DDX60L: variants seen among roughly 807,000 people sequenced by gnomAD.
The protein encoded by DDX60L is DExD/H-box 60 like, also known as probable ATP-dependent RNA helicase DDX60-like.
DDX60L carries 191 observed loss-of-function variants against 211.6 expected under a neutral mutation model. That is an observed-to-expected ratio of 0.90 (90% CI 0.80 to 1.02). The LOEUF is 1.02. Among genes scored for constraint, DDX60L ranks in the 50% least tolerant of loss-of-function variants. DDX60L has a pLI of 0.00. For missense variants in DDX60L, 2,007 were observed against 1,984.1 expected (o/e 1.01, Z -0.22); for synonymous variants, 706 against 694.1 (o/e 1.02, Z -0.27).
intron 10 of DDX60L, among the ~76,000 whole-genome samples, chr4:168,438,368 C>T (rs74193598): frequency 7.6e-4 from 115 of 152,304 alleles, no homozygotes; most frequent in African/African-American, 2.3e-3. Flanking sequence ...TGTAACCCAA[C>T]CACCTCAGGG....
intron 10 of DDX60L, among the ~76,000 whole-genome samples, chr4:168,436,358 G>A (rs752571314): frequency 5.3e-5 from 8 of 152,116 alleles, no homozygotes; most frequent in South Asian, 2.1e-4. Context: ...TACAGAACCC[G>A]TATCCACAAT....
intron 16 of DDX60L, 139 bp downstream of exon 16, chr4:168,422,385 G>A (rs1750773555): frequency 1.3e-6 from 1 of 789,610 alleles, no homozygotes; most frequent in Non-Finnish European, 1.9e-6. Flanking sequence ...TCATACTCTA[G>A]TTACATTCTC....
intron 26 of DDX60L, among the ~76,000 whole-genome samples, chr4:168,396,780 A>G (rs1242243894): frequency 6.6e-6 from 1 of 151,622 alleles, no homozygotes; most frequent in East Asian, 2.0e-4. Context: ...CCCTACGTCC[A>G]AAAAATATAC....
At chr4:168,366,123 C>T (rs1385945198) in intron 36 of DDX60L, among the ~76,000 whole-genome samples, 2 of 151,980 alleles carry the variant, frequency 1.3e-5, no homozygotes, top group African/African-American at 2.4e-5. Flanking sequence ...CAACATAGTA[C>T]TAGTAGTCCT....
chr4:168,417,753 C>T (rs1017682546), intron 19 of DDX60L, among the ~76,000 whole-genome samples: 2 of 152,294 alleles, frequency 1.3e-5, no homozygotes, highest in South Asian at 2.1e-4. Flanking sequence ...TGAATCAATC[C>T]TCTTTGGTTC....
intron 4 of DDX60L, among the ~76,000 whole-genome samples, chr4:168,467,593 A>G (rs1758177627): frequency 6.6e-6 from 1 of 152,178 alleles, no homozygotes; most frequent in African/African-American, 2.4e-5. Context: ...ATCCCTTGAC[A>G]TATACAATTA....
chr4:168,377,711 A>G (rs1428754955), intron 33 of DDX60L: 1 of 152,196 alleles, frequency 6.6e-6, no homozygotes, highest in Non-Finnish European at 1.5e-5. Flanking sequence ...CAGAAAGCCT[A>G]GATTAATGCT....
In DDX60L at chr4:168,472,203, T is replaced by C. The variant is rs375686405; in HGVS notation, c.74+252A>G. ...GAGCCAGGATTTGAACTTGAGAATA[T>C]GATTCTAAAGGCTGTTATTCTGGAT... On this transcript the variant is annotated intron_variant, in intron 3 of 37. Transcript: ENST00000682922. 3.3e-4 allele frequency among the ~76,000 whole-genome samples: 51 copies of C among 152,332 alleles called. No homozygotes were observed. In the South Asian group the frequency reaches 0.01, roughly 30 times the overall value.
At chr4:168,373,212 T>G (rs978242208) in intron 35 of DDX60L, among the ~76,000 whole-genome samples, 5 of 152,174 alleles carry the variant, frequency 3.3e-5, no homozygotes, top group Admixed American at 6.5e-5. Context: ...TTTCTCATAT[T>G]TCAAATTAAA....
intron 13 of DDX60L, among the ~76,000 whole-genome samples, chr4:168,428,820 C>T (rs1751877181): frequency 6.6e-6 from 1 of 152,138 alleles, no homozygotes; most frequent in South Asian, 2.1e-4. Context: ...TAAACACTAT[C>T]ATTTGTGTTA....
chr4:168,391,649 GAAAAAA>G lies in DDX60L; in HGVS notation c.3811-11_3811-6del. ...TGTTTCAGTAGCTGTCACTACCTAG[GAAAAAA>G]AAAAAAAAACAGTCAATACACAATA... On this transcript the variant is annotated splice_region_variant and splice_polypyrimidine_tract_variant and intron_variant, in intron 28 of 37. Transcript: ENST00000682922. The G allele has an allele frequency of 9.3e-7, 1 of 1,070,510 alleles. No homozygotes were observed. Among genetic ancestry groups the G allele is most frequent in the East Asian group, 3.3e-5 (1 of 29,858 alleles). 66.3% of individuals were successfully genotyped at this position (1,070,510 alleles called of 1,614,324 possible).
At chr4:168,403,307 T>C (rs1329227704) in intron 25 of DDX60L, among the ~76,000 whole-genome samples, 1 of 152,252 alleles carries the variant, frequency 6.6e-6, no homozygotes, top group Non-Finnish European at 1.5e-5. Flanking sequence ...TACACACCTA[T>C]GTGTTTGTGT....
At chr4:168,389,623 C>A (rs895583257) in intron 29 of DDX60L, among the ~76,000 whole-genome samples, 35 of 152,206 alleles carry the variant, frequency 2.3e-4, no homozygotes, top group Admixed American at 1.8e-3. Context: ...GGGAAACCAG[C>A]TTTGGAGACT....
At position 168,358,179 on chromosome 4, in the gene DDX60L, G is replaced by C. The variant is rs1340386625; in HGVS notation, c.5089C>G (p.Gln1697Glu). The C allele has an allele frequency of 6.2e-7, 1 of 1,607,588 alleles. No individual in the cohort carries two copies. The highest frequency in any genetic ancestry group is 8.5e-7 in the Non-Finnish European group (1 of 1,177,056). Residue 1697 changes from glutamine to glutamate, a missense_variant, in exon 38 of 38, where the codon CAA (glutamine) becomes GAA (glutamate). By Grantham distance (29) the Gln-to-Glu change is conservative (BLOSUM62 2). Coordinates refer to ENST00000682922, the MANE Select transcript of DDX60L (RefSeq NM_001012967.3). Reference protein sequence around the residue: ...QTFYEKLQEMQIQMSQNHLE With the variant: ...QTFYEKLQEMEIQMSQNHLE Reference sequence around the variant, plus strand: ...AAATGATTTTGACTCATTTGAATTTGCATTTCTTGAAGTTTCTCATAAAAG... The same window carrying C: ...AAATGATTTTGACTCATTTGAATTTCCATTTCTTGAAGTTTCTCATAAAAG...
chr4:168,452,233 A>G (rs899151753), intron 8 of DDX60L, among the ~76,000 whole-genome samples: 71 of 152,356 alleles, frequency 4.7e-4, no homozygotes, highest in African/African-American at 1.6e-3. Flanking sequence ...GTATCTATCA[A>G]GATCCTCAAA....
At chr4:168,449,651 G>GAAAAAAAAAAAAAAAAA (rs1561098576) in intron 8 of DDX60L, among the ~76,000 whole-genome samples, 3 of 7,504 alleles carry the variant, frequency 4.0e-4, no homozygotes, top group Non-Finnish European at 6.7e-4. Flanking sequence ...AAAAAAAAAT[G>GAAAAAAAAAAAAAAAAA]CAAAAAAAAA....
intron 20 of DDX60L, 76 bp from the exon 21 acceptor site, chr4:168,415,875 G>A (rs1377893500): frequency 7.8e-7 from 1 of 1,276,532 alleles, no homozygotes; most frequent in Non-Finnish European, 1.0e-6. Context: ...TTTAAACAAA[G>A]AAAATTTCAC....
chr4:168,374,877 T>TA (rs911755043), intron 34 of DDX60L, among the ~76,000 whole-genome samples: 1 of 152,110 alleles, frequency 6.6e-6, no homozygotes, highest in African/African-American at 2.4e-5. Flanking sequence ...TTTTACAGAT[T>TA]AAAAAAATGA....
intron 8 of DDX60L, among the ~76,000 whole-genome samples, chr4:168,452,900 T>A (rs900963794): frequency 2.6e-5 from 4 of 152,026 alleles, no homozygotes; most frequent in African/African-American, 9.7e-5. Flanking sequence ...AAAAACAAGA[T>A]CTCATCAGAG....
Sources: allele counts gnomAD v4.1 joint callset (sites outside exome capture counted in the v4.1 genomes callset), GRCh38; gene constraint gnomAD v4.1.1; transcripts MANE v1.5; gene names NCBI Gene and HGNC (gene_info 2026-07-23, HGNC 2026-07-21).